Variants in GAS7 observed in about 807,000 individuals in gnomAD.
GAS7 encodes growth arrest specific 7.
GAS7 carries 28 observed loss-of-function variants against 71.1 expected under a neutral mutation model. The ratio of observed to expected loss-of-function variants is 0.39; its 90% CI spans 0.29 to 0.54. GAS7 has a LOEUF of 0.54. Ranked by LOEUF, GAS7 falls within the 20% of genes least tolerant of loss-of-function variation. The probability of loss-of-function intolerance (pLI) is 0.62; values close to 1 mark genes in which losing one functional copy is unlikely to be tolerated. For synonymous variants in GAS7, 258 were observed against 245.8 expected, an observed-to-expected ratio of 1.05 and a Z score of -0.46; for missense variants, 436 against 627.8, an observed-to-expected ratio of 0.69 and a Z score of 3.27.
intron 1 of GAS7, among the ~76,000 whole-genome samples, chr17:10,025,744 T>C (rs1022369743): frequency 1.8e-4 from 28 of 152,088 alleles, no homozygotes; most frequent in Non-Finnish European, 2.9e-5. Flanking sequence ...TGACTCAATC[T>C]CCAGAGCAGC....
At chr17:10,146,636 C>T (rs529299169) in intron 1 of GAS7, among the ~76,000 whole-genome samples, 20 of 152,278 alleles carry the variant, frequency 1.3e-4, no homozygotes, top group Non-Finnish European at 2.5e-4. Context: ...TGGACGCTTT[C>T]AAAACTGACC....
chr17:10,112,159 G>A (rs1048530520), intron 1 of GAS7, among the ~76,000 whole-genome samples: 7 of 152,172 alleles, frequency 4.6e-5, no homozygotes, highest in Non-Finnish European at 1.0e-4. Context: ...CCAGCTCCCT[G>A]ACTTAGAAAA....
At chr17:9,966,155 C>T (rs555450231) in intron 4 of GAS7, among the ~76,000 whole-genome samples, 10 of 152,072 alleles carry the variant, frequency 6.6e-5, no homozygotes, top group East Asian at 1.9e-4. Context: ...CCCGCCACCA[C>T]GCCCGGCTAA....
At chr17:10,078,454 A>T (rs544054720) in intron 1 of GAS7, among the ~76,000 whole-genome samples, 38 of 152,322 alleles carry the variant, frequency 2.5e-4, no homozygotes, top group African/African-American at 8.2e-4. Flanking sequence ...GAGAAAACCA[A>T]GTAAATAAAA....
intron 1 of GAS7, among the ~76,000 whole-genome samples, chr17:10,056,570 C>CT (rs2073139248): frequency 6.6e-6 from 1 of 151,806 alleles, no homozygotes; most frequent in Admixed American, 6.6e-5. Flanking sequence ...GGCTCCAACA[C>CT]TTAAAATATC....
At chr17:9,946,638 C>A (rs56365670) in intron 6 of GAS7, among the ~76,000 whole-genome samples, 2,187 of 152,186 alleles carry the variant, frequency 0.014, 59 homozygotes, top group African/African-American at 0.05. Flanking sequence ...AGAAAATGGC[C>A]CCCCGCTTAC....
chr17:10,167,674 CTG>C (rs982498392), intron 1 of GAS7, among the ~76,000 whole-genome samples: 4 of 151,080 alleles, frequency 2.6e-5, no homozygotes, highest in African/African-American at 7.3e-5. Flanking sequence ...CTTTTTTTTT[CTG>C]TGTCTTTTTT....
At chr17:10,153,038 C>CAAAAAAAAAAAA (rs397857973) in intron 1 of GAS7, among the ~76,000 whole-genome samples, 3 of 76,020 alleles carry the variant, frequency 3.9e-5, no homozygotes, top group African/African-American at 8.8e-5. Context: ...ACTAAAAATA[C>CAAAAAAAAAAAA]AAAAAAAAAA....
chr17:10,125,870 C>T (rs1290918601), intron 1 of GAS7, among the ~76,000 whole-genome samples: 1 of 152,184 alleles, frequency 6.6e-6, no homozygotes, highest in Non-Finnish European at 1.5e-5. Flanking sequence ...AAACACTTCC[C>T]TTCCACTCCT....
At chr17:9,957,593 C>T (rs1395401358) in intron 5 of GAS7, among the ~76,000 whole-genome samples, 7 of 146,414 alleles carry the variant, frequency 4.8e-5, no homozygotes, top group Admixed American at 4.1e-4. Context: ...CTTTCTCCTC[C>T]CCCTCCTTTT....
intron 1 of GAS7, among the ~76,000 whole-genome samples, chr17:10,071,192 A>G (rs1012584685): frequency 3.9e-5 from 6 of 152,146 alleles, no homozygotes; most frequent in Non-Finnish European, 1.5e-5. Context: ...AGGCGACTTG[A>G]GAGCTCAGGC....
chr17:10,096,792 T>C (rs2073645567), intron 1 of GAS7, among the ~76,000 whole-genome samples: 1 of 152,240 alleles, frequency 6.6e-6, no homozygotes, highest in South Asian at 2.1e-4. Context: ...AAAGCGCACA[T>C]CCTGACATCT....
chr17:10,159,193 T>C (rs2074232461), intron 1 of GAS7, among the ~76,000 whole-genome samples: 2 of 150,438 alleles, frequency 1.3e-5, no homozygotes, highest in East Asian at 2.0e-4. Flanking sequence ...GACAAGGATG[T>C]AGAACTATGA....
In GAS7 at chr17:9,914,189, C is replaced by G. The variant is rs912767621; in HGVS notation, c.*3039G>C. 4.5e-6 allele frequency: 1 copy of G among 220,228 alleles called. No individual in the cohort carries two copies. Among genetic ancestry groups the G allele is most frequent in the Non-Finnish European group, 9.1e-6 (1 of 109,862 alleles). The allele number at this position is 220,228 out of a possible 1,614,324, so 13.6% of individuals were successfully genotyped here. A position where few individuals can be genotyped will look rare whatever the true frequency, so the allele number is the denominator to read the frequency against. On this transcript the variant is annotated 3_prime_UTR_variant, in exon 14 of 14. Coordinates refer to ENST00000432992, the MANE Select transcript of GAS7 (RefSeq NM_201433.2). ...ATTCACTGGCAATTTCATAGCCTCACTGGTTACCCTTGAGCTTCACTTTCC... is the reference window on the plus strand; with the variant it reads ...ATTCACTGGCAATTTCATAGCCTCAGTGGTTACCCTTGAGCTTCACTTTCC...
rs563826179 is a variant in GAS7 at position 10,172,269 on chromosome 17, C to T, written c.183+25939G>A. 1.3e-4 allele frequency among the ~76,000 whole-genome samples: 20 copies of T among 152,284 alleles called. No individual in the cohort carries two copies. In the South Asian group the frequency reaches 3.9e-3, roughly 30 times the overall value. On this transcript the variant is annotated intron_variant, in intron 1 of 13. Coordinates refer to ENST00000432992, the MANE Select transcript of GAS7 (RefSeq NM_201433.2). ...CTCATTCCACTCCTCAGGTCCAGTC[C>T]TGGTTGACTTCACCTCATCACCCAC... is the stretch of plus-strand genomic sequence containing the variant.
At chr17:10,092,275 ACCAT>A (rs1340367622) in intron 1 of GAS7, among the ~76,000 whole-genome samples, 1 of 152,176 alleles carries the variant, frequency 6.6e-6, no homozygotes, top group East Asian at 1.9e-4. Context: ...CATCTAAAAT[ACCAT>A]CTCCTGCCAC....
At chr17:10,178,702 CTTTTTTTTTTTTTTTT>C (rs397857157) in intron 1 of GAS7, among the ~76,000 whole-genome samples, 5 of 34,536 alleles carry the variant, frequency 1.4e-4, no homozygotes, top group Admixed American at 1.1e-3. Flanking sequence ...CCCCCACCAC[CTTTTTTTTTTTTTTTT>C]TTTTTTTTTT....
chr17:9,944,020 T>C (rs2068701204), intron 6 of GAS7, among the ~76,000 whole-genome samples: 1 of 152,214 alleles, frequency 6.6e-6, no homozygotes, highest in Admixed American at 6.5e-5. Flanking sequence ...AAGTCCAAAC[T>C]TGGGGAGGAT....
At chr17:9,951,032 C>A (rs1418904172) in intron 5 of GAS7, among the ~76,000 whole-genome samples, 3 of 152,184 alleles carry the variant, frequency 2.0e-5, no homozygotes, top group African/African-American at 7.2e-5. Flanking sequence ...AAGCCCCAAG[C>A]CTTGGTTTCG....
Sources: gnomAD v4.1 joint callset for allele counts (sites outside exome capture counted in the v4.1 genomes callset) on GRCh38, gnomAD v4.1.1 for gene constraint, MANE v1.5 for transcripts, NCBI Gene and HGNC (gene_info 2026-07-23, HGNC 2026-07-21) for gene names.